CDH13: variants seen among roughly 807,000 people sequenced by gnomAD.
CDH13 encodes the protein cadherin 13.
CDH13 carries 24 observed loss-of-function variants against 63.8 expected under a neutral mutation model. That is an observed-to-expected ratio of 0.38 (90% CI 0.27 to 0.53). CDH13 has a LOEUF of 0.53. Among genes scored for constraint, CDH13 ranks in the 20% least tolerant of loss-of-function variants. The pLI is 0.85. For synonymous variants in CDH13, 503 were observed against 355.3 expected (o/e 1.42, Z -4.67); for missense variants, 1,049 against 903.1 (o/e 1.16, Z -2.07).
chr16:82,950,807 CTTTT>C (rs67534843), intron 2 of CDH13, among the ~76,000 whole-genome samples: 4 of 132,100 alleles, frequency 3.0e-5, no homozygotes, highest in Non-Finnish European at 6.4e-5. Flanking sequence ...ACTCCCACAT[CTTTT>C]TTTTTTTTTT....
intron 1 of CDH13, among the ~76,000 whole-genome samples, chr16:82,832,155 TAA>T (rs2038568521): frequency 6.6e-6 from 1 of 152,214 alleles, no homozygotes; most frequent in Non-Finnish European, 1.5e-5. Context: ...CTAAATGCAT[TAA>T]GAGTCAAGGA....
intron 2 of CDH13, among the ~76,000 whole-genome samples, chr16:82,974,986 G>C (rs1048690559): frequency 5.9e-5 from 9 of 152,212 alleles, no homozygotes; most frequent in Admixed American, 1.3e-4. Flanking sequence ...GTCAGTCTCA[G>C]AATGGCTGTC....
At chr16:82,723,722 T>C (rs2032925059) in intron 1 of CDH13, among the ~76,000 whole-genome samples, 2 of 152,212 alleles carry the variant, frequency 1.3e-5, no homozygotes, top group South Asian at 4.1e-4. Context: ...TGTTCACTTG[T>C]TGAAATTTTG....
rs764199404 is a variant in CDH13, at chr16:83,128,472, TCTC to T, written c.483+2977_483+2979del. ...CAGAGGGCTGACCTGAAATGCACTTTCTCCTCCTGTCCACCACTAGTACACAAT... is the reference window on the plus strand; with the variant it reads ...CAGAGGGCTGACCTGAAATGCACTTTCTCCTGTCCACCACTAGTACACAAT... On this transcript the variant is annotated intron_variant, in intron 4 of 13. Transcript: ENST00000567109. Among the ~76,000 whole-genome samples, 91 of 152,312 alleles carry T rather than the reference TCTC, an allele frequency of 6.0e-4. 1 individual carries two copies. Among genetic ancestry groups the T allele is most frequent in the Middle Eastern group, 6.8e-3 (2 of 292 alleles).
intron 11 of CDH13, among the ~76,000 whole-genome samples, chr16:83,764,527 C>T (rs1425787900): frequency 1.3e-5 from 2 of 152,218 alleles, no homozygotes; most frequent in Non-Finnish European, 2.9e-5. Context: ...TGGTCCCCCA[C>T]TGGAGTCCCC....
chr16:83,646,712 A>AACACACACAC (rs71382879), intron 8 of CDH13, among the ~76,000 whole-genome samples: 54 of 80,500 alleles, frequency 6.7e-4, no homozygotes, highest in African/African-American at 2.1e-3. Flanking sequence ...AAAAAAAAAA[A>AACACACACAC]ACACACACAC....
intron 4 of CDH13, chr16:83,171,435 A>C: frequency 8.8e-7 from 1 of 1,133,780 alleles, no homozygotes; most frequent in Non-Finnish European, 1.3e-6. Flanking sequence ...GGGTGAGGAC[A>C]CAGATCCAAA....
intron 7 of CDH13, among the ~76,000 whole-genome samples, chr16:83,594,834 G>A (rs1178138455): frequency 6.6e-6 from 1 of 152,204 alleles, no homozygotes; most frequent in Non-Finnish European, 1.5e-5. Flanking sequence ...GTCTGGTGAT[G>A]GATTAAGTGC....
chr16:82,739,454 T>C (rs1227909151), intron 1 of CDH13, among the ~76,000 whole-genome samples: 1 of 152,228 alleles, frequency 6.6e-6, no homozygotes, highest in Non-Finnish European at 1.5e-5. Context: ...AAATATGCTT[T>C]AGTTGTCTTG....
At chr16:83,357,914 A>C (rs1319198209) in intron 6 of CDH13, among the ~76,000 whole-genome samples, 1 of 152,126 alleles carries the variant, frequency 6.6e-6, no homozygotes, top group African/African-American at 2.4e-5. Context: ...GCATTTTGCG[A>C]GTGGGAGATG....
chr16:83,752,279 C>T (rs1157080882), intron 11 of CDH13, among the ~76,000 whole-genome samples: 1 of 152,174 alleles, frequency 6.6e-6, no homozygotes, highest in Non-Finnish European at 1.5e-5. Context: ...ATGCGGTATA[C>T]TTGAATTGTT....
At chr16:83,125,560 A>T (rs1382349618) in intron 4 of CDH13, 59 bp downstream of exon 4, 1 of 893,726 alleles carries the variant, frequency 1.1e-6, no homozygotes, top group African/African-American at 1.6e-5. Context: ...TGAGCACAGC[A>T]GACTGAGTAT....
At chr16:82,911,109 G>C (rs17742591) in intron 2 of CDH13, among the ~76,000 whole-genome samples, 6,243 of 152,308 alleles carry the variant, frequency 0.041, 201 homozygotes, top group Middle Eastern at 0.061. Context: ...TTGATGGGAA[G>C]CATAAGAAGG....
At chr16:83,378,423 T>C (rs1430761309) in intron 6 of CDH13, among the ~76,000 whole-genome samples, 1 of 152,186 alleles carries the variant, frequency 6.6e-6, no homozygotes, top group Non-Finnish European at 1.5e-5. Context: ...TCAGCTCTCA[T>C]CGGGACATTA....
At chr16:83,153,083 G>C (rs185799595) in intron 4 of CDH13, among the ~76,000 whole-genome samples, 1 of 152,178 alleles carries the variant, frequency 6.6e-6, no homozygotes, top group African/African-American at 2.4e-5. Flanking sequence ...TAGAGAAAAA[G>C]TAATTCATGC....
At chr16:83,551,394 A>T (rs748519296) in intron 7 of CDH13, among the ~76,000 whole-genome samples, 20 of 152,160 alleles carry the variant, frequency 1.3e-4, no homozygotes, top group Admixed American at 1.2e-3. Context: ...AAGTCTCATC[A>T]TGTTACAACC....
At chr16:82,665,326 A>G (rs537191794) in intron 1 of CDH13, among the ~76,000 whole-genome samples, 14 of 152,290 alleles carry the variant, frequency 9.2e-5, no homozygotes, top group African/African-American at 3.1e-4. Context: ...TTGTTCCAGC[A>G]TGAGTTACAG....
intron 7 of CDH13, among the ~76,000 whole-genome samples, chr16:83,543,253 TA>T (rs959347471): frequency 1.3e-5 from 2 of 152,366 alleles, no homozygotes; most frequent in Non-Finnish European, 1.5e-5. Flanking sequence ...AAATGCTCAA[TA>T]AATGTTGGGT....
chr16:83,275,252 G>A (rs764115775), intron 5 of CDH13, among the ~76,000 whole-genome samples: 6 of 151,518 alleles, frequency 4.0e-5, no homozygotes, highest in African/African-American at 7.3e-5. Flanking sequence ...AGATAATATT[G>A]ACATTCTTTT....
Sources: gnomAD v4.1 joint callset for allele counts (sites outside exome capture counted in the v4.1 genomes callset) on GRCh38, gnomAD v4.1.1 for gene constraint, MANE v1.5 for transcripts, NCBI Gene and HGNC (gene_info 2026-07-23, HGNC 2026-07-21) for gene names.